IQCJ: variants seen among roughly 807,000 people sequenced by gnomAD.
IQCJ encodes IQ motif containing J.
A neutral mutation model predicts 11.0 loss-of-function variants in IQCJ; 9 were observed. The ratio of observed to expected loss-of-function variants is 0.82; its 90% confidence interval spans 0.49 to 1.43. The LOEUF is 1.43. IQCJ is among the 40% of genes most tolerant of loss of function. IQCJ has a pLI of 0.00. For missense variants in IQCJ, 146 were observed against 133.2 expected, an observed-to-expected ratio of 1.10 and a Z score of -0.47; for synonymous variants, 55 against 51.3, an observed-to-expected ratio of 1.07 and a Z score of -0.31.
chr3:159,088,367 G>T (rs1559979795), intron 1 of IQCJ, among the ~76,000 whole-genome samples: 1 of 152,024 alleles, frequency 6.6e-6, no homozygotes, highest in Non-Finnish European at 1.5e-5. Context: ...AATATGTGTG[G>T]TGTGGTGCTG....
rs924310025 is a variant in IQCJ, at chr3:159,156,026, T to C, written c.9+86585T>C. 3.9e-5 allele frequency among the ~76,000 whole-genome samples: 6 copies of C among 152,348 alleles called. No individual in the cohort carries two copies. In the South Asian group the frequency reaches 1.2e-3, roughly 32 times the overall value. On this transcript the variant is annotated intron_variant, in intron 1 of 3. Transcript: ENST00000397832. Reference sequence around the variant, plus strand: ...AAAATTGAACTGTAGTTATAACATATATACCTGAAAGGAATGGCAGAGACA... The same window carrying C: ...AAAATTGAACTGTAGTTATAACATACATACCTGAAAGGAATGGCAGAGACA...
At chr3:159,240,176 C>T (rs1726835881) in intron 1 of IQCJ, among the ~76,000 whole-genome samples, 1 of 152,010 alleles carries the variant, frequency 6.6e-6, no homozygotes, top group African/African-American at 2.4e-5. Flanking sequence ...AAGTTTTACC[C>T]TAAAAATAAA....
chr3:159,187,883 T>C (rs1394561967), intron 1 of IQCJ, among the ~76,000 whole-genome samples: 3 of 152,158 alleles, frequency 2.0e-5, no homozygotes, highest in Non-Finnish European at 4.4e-5. Flanking sequence ...GCTGCTCTGA[T>C]TGGCTGCATG....
chr3:159,262,723 T>A lies in IQCJ; in HGVS notation c.331T>A (p.Phe111Ile). Residue 111 changes from phenylalanine to isoleucine, a missense_variant, in exon 4 of 4, where the codon TTC becomes ATC. Transcript: ENST00000397832. ...MFLFLCPDLT[F>I]N ...TCTTTTTCTATGTCCTGACTTGACA[T>A]TCAACTGAAAGCCTAGACTTTGGTT... 1.2e-6 allele frequency: 2 copies of A among 1,613,178 alleles called. No individual in the cohort carries two copies. Among genetic ancestry groups the A allele is most frequent in the Non-Finnish European group, 1.7e-6 (2 of 1,179,336 alleles).
chr3:159,082,873 T>C (rs1192804867), intron 1 of IQCJ, among the ~76,000 whole-genome samples: 2 of 152,080 alleles, frequency 1.3e-5, no homozygotes, highest in East Asian at 1.9e-4. Flanking sequence ...CCTCTGTGAA[T>C]AGCAATGTCA....
chr3:159,127,299 G>A (rs1236294296), intron 1 of IQCJ, among the ~76,000 whole-genome samples: 1 of 152,152 alleles, frequency 6.6e-6, no homozygotes, highest in African/African-American at 2.4e-5. Flanking sequence ...GGCAGGGGTT[G>A]GCAAGGGCAC....
chr3:159,124,674 C>T (rs1719569226), intron 1 of IQCJ, among the ~76,000 whole-genome samples: 1 of 152,198 alleles, frequency 6.6e-6, no homozygotes, highest in Non-Finnish European at 1.5e-5. Context: ...ATAGACCTTA[C>T]TGTGTTCTAT....
chr3:159,233,310 G>T (rs1018456917), intron 1 of IQCJ, among the ~76,000 whole-genome samples: 9 of 152,102 alleles, frequency 5.9e-5, no homozygotes, highest in African/African-American at 2.2e-4. Flanking sequence ...GGTCAAGAAA[G>T]GTTCCAAGGA....
rs372708276 is a variant in IQCJ at position 159,245,851 on chromosome 3, G to A, written c.18G>A (p.Leu6=). 184 of 1,546,410 alleles carry A rather than the reference G, an allele frequency of 1.2e-4. No individual in the cohort carries two copies. The African/African-American group carries it at 2.2e-3, about 18-fold the overall frequency. The part of the protein sequence containing the change: MRLEE[L]KRLQNPLEQV... ...TCTTCTCTTTTTCACAGGAAGAACT[G>A]AAAAGATTGCAGAATCCTCTAGAAC... The change falls in exon 2 of 4, where the codon CTG becomes CTA. Residue 6 remains leucine, a synonymous_variant. Coordinates refer to ENST00000397832, the MANE Select transcript of IQCJ (RefSeq NM_001042706.3).
chr3:159,170,392 A>G (rs1363824795), intron 1 of IQCJ, among the ~76,000 whole-genome samples: 1 of 152,232 alleles, frequency 6.6e-6, no homozygotes, highest in Non-Finnish European at 1.5e-5. Context: ...TCCTCCAGCT[A>G]GAATAACAAT....
chr3:159,086,557 T>C (rs1443185269), intron 1 of IQCJ, among the ~76,000 whole-genome samples: 2 of 152,214 alleles, frequency 1.3e-5, no homozygotes, highest in South Asian at 2.1e-4. Flanking sequence ...GAGCATGGAA[T>C]ATTCTTCCAT....
chr3:159,260,303 TTTTG>T (rs1217459254), intron 3 of IQCJ, among the ~76,000 whole-genome samples: 17 of 152,308 alleles, frequency 1.1e-4, no homozygotes, highest in Non-Finnish European at 1.8e-4. Context: ...GGCCACTATA[TTTTG>T]TTTTTGTATG....
chr3:159,112,397 A>G (rs1718685568), intron 1 of IQCJ, among the ~76,000 whole-genome samples: 1 of 152,208 alleles, frequency 6.6e-6, no homozygotes, highest in South Asian at 2.1e-4. Flanking sequence ...AGTTTTCTTG[A>G]AACACAAACT....
intron 1 of IQCJ, among the ~76,000 whole-genome samples, chr3:159,128,803 T>C (rs950462417): frequency 6.6e-6 from 1 of 152,172 alleles, no homozygotes; most frequent in Non-Finnish European, 1.5e-5. Flanking sequence ...CTTCACAATA[T>C]AGTCTGACTC....
chr3:159,211,057 A>G (rs1724925458), intron 1 of IQCJ, among the ~76,000 whole-genome samples: 1 of 152,252 alleles, frequency 6.6e-6, no homozygotes, highest in Admixed American at 6.5e-5. Flanking sequence ...CATAAGTAAA[A>G]TATTTTACTG....
chr3:159,113,898 C>T (rs1223821364), intron 1 of IQCJ, among the ~76,000 whole-genome samples: 1 of 152,068 alleles, frequency 6.6e-6, no homozygotes, highest in Admixed American at 6.5e-5. Context: ...AATGAGGAGG[C>T]AGTGATCGTT....
At chr3:159,223,590 T>C (rs896157955) in intron 1 of IQCJ, among the ~76,000 whole-genome samples, 1 of 152,156 alleles carries the variant, frequency 6.6e-6, no homozygotes, top group African/African-American at 2.4e-5. Context: ...AACCCTGCTG[T>C]CCTGAAATTG....
chr3:159,174,468 A>G (rs954481683), intron 1 of IQCJ, among the ~76,000 whole-genome samples: 3 of 152,148 alleles, frequency 2.0e-5, no homozygotes, highest in African/African-American at 7.2e-5. Flanking sequence ...CATCACTAAA[A>G]ATAACAGTAA....
At chr3:159,076,295 G>A (rs1418130212) in intron 1 of IQCJ, among the ~76,000 whole-genome samples, 1 of 152,020 alleles carries the variant, frequency 6.6e-6, no homozygotes, top group Non-Finnish European at 1.5e-5. Context: ...GACAATTTGA[G>A]CTCATACTTT....
Sources: allele counts gnomAD v4.1 joint callset (sites outside exome capture counted in the v4.1 genomes callset), GRCh38; gene constraint gnomAD v4.1.1; transcripts MANE v1.5; gene names NCBI Gene and HGNC (gene_info 2026-07-23, HGNC 2026-07-21).